TMEM156: variants seen among roughly 807,000 people sequenced by gnomAD.
TMEM156 encodes the protein transmembrane protein 156.
TMEM156 carries 28 observed loss-of-function variants against 30.5 expected under a neutral mutation model. The observed-to-expected ratio is 0.92, with a 90% CI of 0.68 to 1.26. The LOEUF is 1.26. Among genes scored for constraint, TMEM156 ranks in the 50% most tolerant of loss-of-function variants. The probability of loss-of-function intolerance (pLI) is 0.00; values close to 1 mark genes in which losing one functional copy is unlikely to be tolerated. For missense variants in TMEM156, 351 were observed against 340.6 expected (o/e 1.03, Z -0.24); for synonymous variants, 137 against 119.9 (o/e 1.14, Z -0.93).
At chr4:38,969,281 C>T (rs935295336) in intron 6 of TMEM156, among the ~76,000 whole-genome samples, 3 of 152,188 alleles carry the variant, frequency 2.0e-5, no homozygotes, top group African/African-American at 7.2e-5. Context: ...TTCCACTCTA[C>T]TTCCATGTGA....
At chr4:39,001,255 C>T (rs1263530778) in intron 1 of TMEM156, among the ~76,000 whole-genome samples, 9 of 146,448 alleles carry the variant, frequency 6.1e-5, no homozygotes, top group Admixed American at 3.4e-4. Flanking sequence ...GGCATGGTGG[C>T]GGGCACCTGT....
intron 5 of TMEM156, among the ~76,000 whole-genome samples, chr4:38,975,237 C>T (rs1323791448): frequency 2.0e-5 from 3 of 152,152 alleles, no homozygotes; most frequent in African/African-American, 7.2e-5. Context: ...CCACACACAT[C>T]CATTGCATTT....
At chr4:38,968,160 T>C (rs1401681569) in intron 6 of TMEM156, among the ~76,000 whole-genome samples, 1 of 152,218 alleles carries the variant, frequency 6.6e-6, no homozygotes, top group Non-Finnish European at 1.5e-5. Flanking sequence ...CAAGGAAACC[T>C]AGAGTCTCCA....
At chr4:39,023,272 G>A (rs139568756) in intron 1 of TMEM156, among the ~76,000 whole-genome samples, 67 of 152,240 alleles carry the variant, frequency 4.4e-4, no homozygotes, top group African/African-American at 1.5e-3. Flanking sequence ...AAGTTACTCC[G>A]TCTACAGCAC....
chr4:39,000,228 C>CA (rs1303638963), intron 1 of TMEM156, among the ~76,000 whole-genome samples: 2 of 151,944 alleles, frequency 1.3e-5, no homozygotes, highest in African/African-American at 2.4e-5. Context: ...CCCATCTCTA[C>CA]AAAAAATACA....
In TMEM156 at chr4:39,027,826, G is replaced by C. The variant is rs1211553621; in HGVS notation, c.88+4400C>G. ...GGCTGGAGTGCAGTGGTGTAATCTC[G>C]GCTCACTGCAACCTCCGCCTCCTGG... On this transcript the variant is annotated intron_variant, in intron 1 of 6. Coordinates refer to ENST00000381938, the MANE Select transcript of TMEM156 (RefSeq NM_024943.3). 2.9e-5 allele frequency among the ~76,000 whole-genome samples: 4 copies of C among 139,682 alleles called. No individual in the cohort carries two copies. In the Admixed American group the frequency reaches 3.1e-4, roughly 11 times the overall value. The allele number at this position is 139,682 out of a possible 152,430, so 91.6% of individuals were successfully genotyped here.
At chr4:38,992,759 T>TA (rs1214859436) in intron 3 of TMEM156, among the ~76,000 whole-genome samples, 20 of 70,750 alleles carry the variant, frequency 2.8e-4, no homozygotes, top group Admixed American at 7.9e-4. Flanking sequence ...TATATATATA[T>TA]ATATTTTTTT....
intron 5 of TMEM156, among the ~76,000 whole-genome samples, chr4:38,983,041 G>A (rs1375667311): frequency 6.6e-6 from 1 of 152,154 alleles, no homozygotes; most frequent in Non-Finnish European, 1.5e-5. Flanking sequence ...CAATCCTGAG[G>A]AGAGATGCAA....
intron 6 of TMEM156, among the ~76,000 whole-genome samples, chr4:38,969,637 G>C (rs1049408454): frequency 3.3e-5 from 5 of 152,062 alleles, no homozygotes; most frequent in African/African-American, 9.7e-5. Context: ...TCCCAAGCTA[G>C]AGCGCAGTGG....
intron 6 of TMEM156, among the ~76,000 whole-genome samples, chr4:38,968,531 A>G (rs1722449723): frequency 6.6e-6 from 1 of 152,238 alleles, no homozygotes; most frequent in Admixed American, 6.5e-5. Context: ...TAGGTGGTCA[A>G]AAATCATTTG....
chr4:38,998,697 A>G lies in TMEM156; in HGVS notation c.301T>C (p.Leu101=). The G allele has an allele frequency of 1.2e-6, 2 of 1,613,712 alleles. No individual in the cohort carries two copies. Among genetic ancestry groups the G allele is most frequent in the Non-Finnish European group, 1.7e-6 (2 of 1,179,780 alleles). The stretch of plus-strand genomic sequence containing the variant: ...ATGTTTCCTTTAGACTCACAAACCA[A>G]ACACGAGGAGCACATTTTAAATTCA... ...TGEFKMCSSC[L]VCESKGNMDF... Residue 101 remains leucine (L), a synonymous_variant, in exon 2 of 7, where the codon TTG becomes CTG. Coordinates refer to ENST00000381938, the MANE Select transcript of TMEM156 (RefSeq NM_024943.3).
intron 1 of TMEM156, among the ~76,000 whole-genome samples, chr4:39,024,074 C>T (rs947318170): frequency 5.3e-5 from 8 of 152,082 alleles, no homozygotes; most frequent in South Asian, 2.1e-4. Flanking sequence ...CTCGCTGTTC[C>T]GCCCAGGCTG....
chr4:39,008,532 T>G (rs1292031609), intron 1 of TMEM156, among the ~76,000 whole-genome samples: 1 of 152,206 alleles, frequency 6.6e-6, no homozygotes, highest in African/African-American at 2.4e-5. Flanking sequence ...GTTCTATGTC[T>G]ATATTTATAA....
At chr4:38,992,714 A>ATATAATATATATATTATATATATAT (rs1712588546) in intron 3 of TMEM156, among the ~76,000 whole-genome samples, 1 of 44,836 alleles carries the variant, frequency 2.2e-5, no homozygotes, top group African/African-American at 7.3e-5. Context: ...TATATATATT[A>ATATAATATATATATTATATATATAT]TATATATATA....
chr4:39,016,755 T>A (rs1714511646), intron 1 of TMEM156, among the ~76,000 whole-genome samples: 1 of 152,218 alleles, frequency 6.6e-6, no homozygotes, highest in South Asian at 2.1e-4. Flanking sequence ...AGAAGTATAT[T>A]AAAGATTGTT....
At chr4:38,996,077 T>C (rs1439452132) in intron 2 of TMEM156, among the ~76,000 whole-genome samples, 2 of 152,018 alleles carry the variant, frequency 1.3e-5, no homozygotes, top group Admixed American at 6.6e-5. Context: ...TATAACTCAA[T>C]TGCAAAAAAT....
At chr4:39,013,767 G>A (rs555849574) in intron 1 of TMEM156, among the ~76,000 whole-genome samples, 15 of 152,176 alleles carry the variant, frequency 9.9e-5, no homozygotes, top group Admixed American at 3.3e-4. Context: ...CTGAAAAATG[G>A]TAAAAATTAA....
chr4:38,970,912 T>G, intron 6 of TMEM156, 120 bp downstream of exon 6: 1 of 616,998 alleles, frequency 1.6e-6, no homozygotes, highest in Non-Finnish European at 2.9e-6. Context: ...TGAACTGACT[T>G]TGCAAATTCA....
intron 2 of TMEM156, among the ~76,000 whole-genome samples, chr4:38,996,570 T>C (rs1279414473): frequency 6.6e-6 from 1 of 151,328 alleles, no homozygotes; most frequent in Non-Finnish European, 1.5e-5. Context: ...AAACTCCATC[T>C]CAAAAAGAAA....
Sources: gnomAD v4.1 joint callset for allele counts (sites outside exome capture counted in the v4.1 genomes callset) on GRCh38, gnomAD v4.1.1 for gene constraint, MANE v1.5 for transcripts, NCBI Gene and HGNC (gene_info 2026-07-23, HGNC 2026-07-21) for gene names.